The following AGK variants were observed in gnomAD, a reference collection of about 807,000 sequenced individuals.
AGK encodes the protein acylglycerol kinase, mitochondrial.
Under a neutral mutation model 66.4 loss-of-function variants are expected in AGK, and 52 were observed. The ratio of observed to expected loss-of-function variants is 0.78; its 90% confidence interval spans 0.63 to 0.99. AGK has a LOEUF of 0.99. AGK is among the 50% of genes least tolerant of loss of function. AGK has a pLI of 0.00. For missense variants in AGK, 451 were observed against 506.6 expected, an observed-to-expected ratio of 0.89 and a Z score of 1.05; for synonymous variants, 182 against 181.1, an observed-to-expected ratio of 1.00 and a Z score of -0.04.
chr7:141,569,475 A>G (rs1056323889), intron 2 of AGK, among the ~76,000 whole-genome samples: 6 of 152,198 alleles, frequency 3.9e-5, no homozygotes, highest in Non-Finnish European at 8.8e-5. Flanking sequence ...TGGAGGCTAC[A>G]GTGAGCTGAG....
chr7:141,553,759 C>T (rs899875815), intron 1 of AGK, among the ~76,000 whole-genome samples: 4 of 152,224 alleles, frequency 2.6e-5, no homozygotes, highest in Non-Finnish European at 5.9e-5. Flanking sequence ...AAGATGGTCT[C>T]CCTGGCACTG....
chr7:141,575,916 T>G (rs1287708788), intron 2 of AGK, among the ~76,000 whole-genome samples: 3 of 152,152 alleles, frequency 2.0e-5, no homozygotes, highest in Admixed American at 2.0e-4. Context: ...GCTGCAGCCC[T>G]GTTTGTGTTG....
intron 2 of AGK, among the ~76,000 whole-genome samples, chr7:141,588,340 A>G (rs537177936): frequency 6.6e-5 from 10 of 152,330 alleles, no homozygotes; most frequent in Non-Finnish European, 1.3e-4. Context: ...GTTTATTAAG[A>G]TAGTAGGCCA....
intron 13 of AGK, among the ~76,000 whole-genome samples, chr7:141,645,396 A>G (rs573571281): frequency 6.6e-6 from 1 of 152,268 alleles, no homozygotes; most frequent in East Asian, 1.9e-4. Context: ...TCAGCAACCT[A>G]ATTAAATTAT....
At chr7:141,574,845 C>G (rs1240662270) in intron 2 of AGK, among the ~76,000 whole-genome samples, 2 of 152,164 alleles carry the variant, frequency 1.3e-5, no homozygotes, top group East Asian at 3.8e-4. Flanking sequence ...TTTGGGATTT[C>G]TATACTTTAT....
At chr7:141,602,173 TTGTG>T (rs71172608) in intron 5 of AGK, among the ~76,000 whole-genome samples, 109 of 125,372 alleles carry the variant, frequency 8.7e-4, no homozygotes, top group Middle Eastern at 4.1e-3. Context: ...GGAGATTTTC[TTGTG>T]TGTGTGTGTG....
At chr7:141,552,822 G>T (rs1446234750) in intron 1 of AGK, among the ~76,000 whole-genome samples, 1 of 152,112 alleles carries the variant, frequency 6.6e-6, no homozygotes, top group Non-Finnish European at 1.5e-5. Context: ...GAAGACACAG[G>T]TACACAGAGA....
chr7:141,637,427 G>T (rs1400078995), intron 11 of AGK, among the ~76,000 whole-genome samples: 1 of 152,146 alleles, frequency 6.6e-6, no homozygotes, highest in Non-Finnish European at 1.5e-5. Context: ...GTTTGTATCA[G>T]TAGGTTTCAA....
chr7:141,642,141 T>A (rs1202930462), intron 13 of AGK, among the ~76,000 whole-genome samples: 1 of 152,228 alleles, frequency 6.6e-6, no homozygotes, highest in Non-Finnish European at 1.5e-5. Context: ...GTTCTGCTCA[T>A]TGCTTAATTG....
At chr7:141,560,948 C>A (rs181506706) in intron 2 of AGK, among the ~76,000 whole-genome samples, 1 of 152,058 alleles carries the variant, frequency 6.6e-6, no homozygotes, top group East Asian at 1.9e-4. Context: ...TGCCTGCCAC[C>A]GCACCCAGCT....
Position 141,651,568 on chromosome 7 carries a change from G to A in AGK, c.1090G>A (p.Glu364Lys), listed in dbSNP as rs1797559293. Reference sequence around the variant, plus strand: ...CCCCAAGCTGCACGTGGAGGGCACGGAGTGTCTCCAAGCCAGCCAGTGCAC... The same window carrying A: ...CCCCAAGCTGCACGTGGAGGGCACGAAGTGTCTCCAAGCCAGCCAGTGCAC... ...RNPKLHVEGT[E>K]CLQASQCTLL... Residue 364 changes from glutamate to lysine, a missense_variant, in exon 15 of 16, where the codon GAG (glutamate) becomes AAG (lysine). Physicochemically the swap from Glu to Lys is moderately conservative, Grantham distance 56. Coordinates refer to ENST00000649286, the MANE Select transcript of AGK (RefSeq NM_018238.4). The A allele has an allele frequency of 1.2e-6, 2 of 1,614,246 alleles. No homozygotes were observed. Among genetic ancestry groups the A allele is most frequent in the East Asian group, 4.5e-5 (2 of 44,890 alleles).
chr7:141,630,643 GGTATCTCAATATAAATCA>G (rs1159819136), intron 9 of AGK, among the ~76,000 whole-genome samples: 3 of 151,996 alleles, frequency 2.0e-5, no homozygotes, highest in Non-Finnish European at 2.9e-5. Flanking sequence ...ATACTCAATA[GGTATCTCAATATAAATCA>G]GAAGCCTTTG....
chr7:141,582,019 CTG>C (rs1416761754), intron 2 of AGK, among the ~76,000 whole-genome samples: 1 of 151,982 alleles, frequency 6.6e-6, no homozygotes, highest in Non-Finnish European at 1.5e-5. Context: ...ACCGTCCACT[CTG>C]AGAGTTACCC....
intron 2 of AGK, among the ~76,000 whole-genome samples, chr7:141,583,440 C>T (rs1287444301): frequency 7.1e-6 from 1 of 140,208 alleles, no homozygotes; most frequent in Non-Finnish European, 1.5e-5. Context: ...GTGCTTGCCT[C>T]CCAAGAAAGT....
At chr7:141,566,086 T>C (rs112710413) in intron 2 of AGK, among the ~76,000 whole-genome samples, 4,894 of 152,318 alleles carry the variant, frequency 0.032, 272 homozygotes, top group African/African-American at 0.11. Context: ...GGAATGTCCT[T>C]GCACATGTTG....
chr7:141,612,400 G>A (rs1177003293), intron 6 of AGK, among the ~76,000 whole-genome samples: 2 of 152,114 alleles, frequency 1.3e-5, no homozygotes, highest in Non-Finnish European at 2.9e-5. Flanking sequence ...GAATACATTT[G>A]TGTTACACAC....
rs999744483 is a variant in AGK at position 141,654,329 on chromosome 7, G to A, written c.*1405G>A. Reference sequence around the variant, plus strand: ...ATGAATGTGATTTACAGCTGAGATGGGGTTCAACCTCAGCTGTATTCCTTG... The same window carrying A: ...ATGAATGTGATTTACAGCTGAGATGAGGTTCAACCTCAGCTGTATTCCTTG... On this transcript the variant is annotated 3_prime_UTR_variant, in exon 16 of 16. Coordinates refer to ENST00000649286, the MANE Select transcript of AGK (RefSeq NM_018238.4). 11 of 152,070 alleles carry A rather than the reference G, an allele frequency of 7.2e-5. No individual in the cohort carries two copies. Among genetic ancestry groups the A allele is most frequent in the Admixed American group, 5.2e-4 (8 of 15,266 alleles). 9.4% of individuals were successfully genotyped at this position (152,070 alleles called of 1,614,324 possible). A position where few individuals can be genotyped will look rare whatever the true frequency, so the allele number is the denominator to read the frequency against.
intron 2 of AGK, among the ~76,000 whole-genome samples, chr7:141,588,387 G>T (rs909950192): frequency 1.3e-5 from 2 of 152,148 alleles, no homozygotes; most frequent in African/African-American, 4.8e-5. Context: ...AGCACTTTGG[G>T]AGGACAAGGC....
At chr7:141,559,901 A>G (rs1470471620) in intron 2 of AGK, among the ~76,000 whole-genome samples, 1 of 151,966 alleles carries the variant, frequency 6.6e-6, no homozygotes, top group Admixed American at 6.5e-5. Context: ...TTCTTAGGAT[A>G]TAGAAATATA....
Sources: allele counts gnomAD v4.1 joint callset (sites outside exome capture counted in the v4.1 genomes callset), GRCh38; gene constraint gnomAD v4.1.1; transcripts MANE v1.5; gene names NCBI Gene and HGNC (gene_info 2026-07-23, HGNC 2026-07-21).